DLGAP3: variants seen among roughly 807,000 people sequenced by gnomAD.
DLGAP3 encodes the protein disks large-associated protein 3.
Under a neutral mutation model 81.2 loss-of-function variants are expected in DLGAP3, and 17 were observed. The ratio of observed to expected loss-of-function variants is 0.21; its 90% CI spans 0.14 to 0.31. The LOEUF is 0.31. Ranked by LOEUF, DLGAP3 falls within the 10% of genes least tolerant of loss-of-function variation. DLGAP3 has a pLI of 1.00. For missense variants in DLGAP3, 1,124 were observed against 1,388.0 expected (o/e 0.81, Z 3.02); for synonymous variants, 577 against 587.4 (o/e 0.98, Z 0.26).
chr1:34,885,755 G>A lies in DLGAP3; in HGVS notation c.1637C>T (p.Pro546Leu), dbSNP rs866789064. Residue 546 changes from proline (P) to leucine (L), a missense_variant, in exon 7 of 12, where the codon CCG (proline) becomes CTG (leucine). Pro to Leu is a moderately conservative substitution (Grantham distance 98). This residue lies in a region of DLGAP3 where 379 missense variants were observed against 455.7 expected (regional missense o/e 0.83). Coordinates refer to ENST00000373347, the MANE Select transcript of DLGAP3 (RefSeq NM_001080418.3). ...GATGCGGGGCGGGGCCTGGCTTCCC[G>A]GCGGGATGGGGGGCGGGGCCTTTCT... ...NFRKAPPPIP[P>L]GSQAPPRISI... The A allele has an allele frequency of 1.4e-6, 2 of 1,414,912 alleles. No individual in the cohort carries two copies. Among genetic ancestry groups the A allele is most frequent in the Non-Finnish European group, 1.8e-6 (2 of 1,093,192 alleles). 87.6% of individuals were successfully genotyped at this position (1,414,912 alleles called of 1,614,324 possible).
rs1461768205 is a variant in DLGAP3 at position 34,868,481 on chromosome 1, CA to C, written c.2485+123del. 1.8e-5 allele frequency: 14 copies of C among 791,760 alleles called. No individual in the cohort carries two copies. The highest frequency in any genetic ancestry group is 2.8e-5 in the Non-Finnish European group (13 of 459,790). The allele number at this position is 791,760 out of a possible 1,614,324, so 49.0% of individuals were successfully genotyped here. A position where few individuals can be genotyped will look rare whatever the true frequency, so the allele number is the denominator to read the frequency against. ...CCCGCCACGCTCCAGTGCAGAAGAC[CA>C]GTGAGGCACCAACCGAAGGGGCCTC... On this transcript the variant is annotated intron_variant, in intron 9 of 11. Coordinates refer to ENST00000373347, the MANE Select transcript of DLGAP3 (RefSeq NM_001080418.3). This position sits in a 1 kb window ranked among gnomAD's most constrained non-coding sequence, Gnocchi z 7.5.
At chr1:34,890,099 G>C (rs1234616728) in intron 5 of DLGAP3, among the ~76,000 whole-genome samples, 1 of 152,210 alleles carries the variant, frequency 6.6e-6, no homozygotes, top group African/African-American at 2.4e-5. Context: ...CTGAAGTACA[G>C]GGATGGCGGG....
At chr1:34,918,470 C>A (rs895023122) in intron 1 of DLGAP3, among the ~76,000 whole-genome samples, 1 of 152,194 alleles carries the variant, frequency 6.6e-6, no homozygotes, top group Non-Finnish European at 1.5e-5. Flanking sequence ...AGGGGAGGAC[C>A]CCTCCACACA....
At chr1:34,869,953 C>G (rs1638953981) in intron 8 of DLGAP3, among the ~76,000 whole-genome samples, 1 of 152,160 alleles carries the variant, frequency 6.6e-6, no homozygotes, top group African/African-American at 2.4e-5. Context: ...TCCCACTGCA[C>G]CAGCTGCTAG....
rs965545620 is a variant in DLGAP3 at position 34,899,129 on chromosome 1, G to A, written c.1386+540C>T. Among the ~76,000 whole-genome samples the A allele has an allele frequency of 6.3e-5, 9 of 143,282 alleles. No individual in the cohort carries two copies. The South Asian group carries it at 6.5e-4, about 10-fold the overall frequency. 94.0% of individuals were successfully genotyped at this position (143,282 alleles called of 152,430 possible). On this transcript the variant is annotated intron_variant, in intron 5 of 11. Coordinates refer to ENST00000373347, the MANE Select transcript of DLGAP3 (RefSeq NM_001080418.3). ...TTTTAAGACAGAGCCTCACTGTGTC[G>A]CCCAGGCTGGAATGCAGTGGCACCA...
At position 34,905,145 on chromosome 1, in the gene DLGAP3, G is replaced by A; in HGVS notation, c.239C>T (p.Ala80Val). The A allele has an allele frequency of 6.4e-7, 1 of 1,567,722 alleles. No individual in the cohort carries two copies. Among genetic ancestry groups the A allele is most frequent in the Non-Finnish European group, 8.7e-7 (1 of 1,155,964 alleles). ...SVGPEGGPAG[A>V]GVGGGSSTFP... ...GGTGCTGCTACCCCCCCCAACCCCG[G>A]CCCCCGCTGGCCCTCCCTCAGGGCC... Residue 80 changes from alanine (A) to valine (V), a missense_variant, in exon 3 of 12, where the codon GCC becomes GTC. This residue lies in a region of DLGAP3 where 167 missense variants were observed against 172.1 expected (regional missense o/e 0.97). Transcript: ENST00000373347.
intron 3 of DLGAP3, among the ~76,000 whole-genome samples, chr1:34,901,604 C>T (rs554576985): frequency 1.3e-5 from 2 of 152,172 alleles, no homozygotes; most frequent in South Asian, 4.2e-4. Flanking sequence ...ATAAATGAGC[C>T]AATAGAGAGT....
In DLGAP3 at chr1:34,866,115, T is replaced by C; in HGVS notation, c.2908A>G (p.Ile970Val). ...CTGGTCTGGGCCTCGGGGATGTAGA[T>C]CTCGATGCTGTCGGCGCTCTCGGTG... ...SATESADSIE[I>V]YIPEAQTRL is the part of the protein sequence containing the mutation. Residue 970 changes from isoleucine (I) to valine (V), a missense_variant, in exon 12 of 12, where the codon ATC (isoleucine) becomes GTC (valine). Around this residue, in one of 9 missense-constraint regions of DLGAP3, gnomAD observed 133 missense variants for 171.1 expected, o/e 0.78. Transcript: ENST00000373347. 6.3e-7 allele frequency: 1 copy of C among 1,599,190 alleles called. No individual in the cohort carries two copies. Among genetic ancestry groups the C allele is most frequent in the Non-Finnish European group, 8.5e-7 (1 of 1,179,084 alleles).
In DLGAP3 at chr1:34,904,399, G is replaced by T; in HGVS notation, c.985C>A (p.Arg329=). The change falls in exon 3 of 12, where the codon CGA becomes AGA. Residue 329 remains arginine (R), a synonymous_variant. Transcript: ENST00000373347. This position sits in a 1 kb window ranked among gnomAD's most constrained non-coding sequence, Gnocchi z 8.1. The part of the protein sequence containing the change: ...SMSLDGQSVK[R]SAWHTMMVSQ... ...ACCATCATGGTATGCCAGGCACTTC[G>T]CTTGACCGACTGTCCATCCAGTGAC... 6.2e-7 allele frequency: 1 copy of T among 1,613,878 alleles called. No individual in the cohort carries two copies. Among genetic ancestry groups the T allele is most frequent in the Non-Finnish European group, 8.5e-7 (1 of 1,180,026 alleles).
chr1:34,866,383 G>C (rs1256924661), intron 11 of DLGAP3, 82 bp from the exon 12 acceptor site: 12 of 1,199,304 alleles, frequency 1.0e-5, no homozygotes, highest in African/African-American at 1.5e-5. Flanking sequence ...CCCGCGCCCA[G>C]AGTGCTGACG....
rs1037831807 is a variant in DLGAP3 at position 34,895,384 on chromosome 1, AAATAAT to A, written c.1386+4279_1386+4284del. On this transcript the variant is annotated intron_variant, in intron 5 of 11. Transcript: ENST00000373347. The surrounding 1 kb of genome is among the most constrained non-coding windows in gnomAD (Gnocchi z 4.5). ...CTGTCTCAAAAAAAAAAAAAAATTA[AAATAAT>A]AATAATAATAAGTAAAATAAATGCT... 4.0e-5 allele frequency among the ~76,000 whole-genome samples: 6 copies of A among 151,284 alleles called. No individual in the cohort carries two copies. Among genetic ancestry groups the A allele is most frequent in the Non-Finnish European group, 5.9e-5 (4 of 67,826 alleles).
In DLGAP3 at chr1:34,873,998, C is replaced by T. The variant is rs574260154; in HGVS notation, c.2001-4909G>A. On this transcript the variant is annotated intron_variant, in intron 8 of 11. Transcript: ENST00000373347. The surrounding 1 kb of genome is among the most constrained non-coding windows in gnomAD (Gnocchi z 4.2). ...CAATCTCCCTACCAACTAAATGTAG[C>T]CATGTGCCTAAGTTCTAGCCCATGA... 3.3e-5 allele frequency among the ~76,000 whole-genome samples: 5 copies of T among 152,320 alleles called. No homozygotes were observed. The highest frequency in any genetic ancestry group is 1.2e-4 in the African/African-American group (5 of 41,564).
chr1:34,913,662 A>G (rs1204734146), intron 1 of DLGAP3, among the ~76,000 whole-genome samples: 1 of 152,220 alleles, frequency 6.6e-6, no homozygotes, highest in Non-Finnish European at 1.5e-5. Context: ...TGTGTGCTGC[A>G]GCATTTTGAG....
intron 1 of DLGAP3, among the ~76,000 whole-genome samples, chr1:34,922,181 TATCCCC>T (rs1354896828): frequency 2.0e-5 from 3 of 152,212 alleles, no homozygotes; most frequent in Non-Finnish European, 4.4e-5. Context: ...CTTACTTGGC[TATCCCC>T]AAGGCCTTAT....
intron 8 of DLGAP3, among the ~76,000 whole-genome samples, chr1:34,871,922 G>C (rs1225048716): frequency 6.6e-6 from 1 of 152,148 alleles, no homozygotes; most frequent in Non-Finnish European, 1.5e-5. Context: ...GGAGCTGATG[G>C]GATGACCAGA....
rs749756810 is a variant in DLGAP3, at chr1:34,900,169, C to T, written c.1212G>A (p.Glu404=). The T allele has an allele frequency of 2.5e-6, 4 of 1,614,146 alleles. No individual in the cohort carries two copies. The South Asian group carries it at 4.4e-5, about 18-fold the overall frequency. The part of the protein sequence containing the change: ...SGSYIKAMGD[E]ESGDSDGSPK... Reference sequence around the variant, plus strand: ...GGCTGCCGTCTGAGTCTCCGCTCTCCTCATCCCCCATGGCTTTGATGTAGC... The same window carrying T: ...GGCTGCCGTCTGAGTCTCCGCTCTCTTCATCCCCCATGGCTTTGATGTAGC... The change falls in exon 4 of 12, where the codon GAG becomes GAA. Residue 404 remains glutamate (E), a synonymous_variant. Transcript: ENST00000373347. The surrounding 1 kb of genome is among the most constrained non-coding windows in gnomAD (Gnocchi z 5.6).
rs771631823 is a variant in DLGAP3 at position 34,867,120 on chromosome 1, G to A, written c.2649C>T (p.Ile883=). 8.2e-5 allele frequency: 132 copies of A among 1,614,066 alleles called. No individual in the cohort carries two copies. Among genetic ancestry groups the A allele is most frequent in the Non-Finnish European group, 1.1e-4 (126 of 1,180,028 alleles). The part of the protein sequence containing the change: ...AGFWDLLQLS[I]EDVTLKFLEL... The stretch of plus-strand genomic sequence containing the variant: ...CCAGGAACTTGAGGGTCACATCCTC[G>A]ATGGAGAGCTGTAGGAGGTCCCAGA... The change falls in exon 11 of 12, where the codon ATC becomes ATT. Residue 883 remains isoleucine (I), a synonymous_variant. Transcript: ENST00000373347. The surrounding 1 kb of genome is among the most constrained non-coding windows in gnomAD (Gnocchi z 4.3).
intron 2 of DLGAP3, among the ~76,000 whole-genome samples, chr1:34,905,689 C>T (rs4652868): frequency 0.27 from 40,394 of 151,662 alleles, 5,590 homozygotes; most frequent in Middle Eastern, 0.36. Context: ...GAGGATATTC[C>T]CTCAGTCAAA....
At chr1:34,906,576 T>A (rs143714979) in intron 2 of DLGAP3, among the ~76,000 whole-genome samples, 27 of 152,294 alleles carry the variant, frequency 1.8e-4, no homozygotes, top group Admixed American at 2.6e-4. Context: ...ATATTTTCCC[T>A]ATGAAATTAC....
Sources: gnomAD v4.1 joint callset for allele counts (sites outside exome capture counted in the v4.1 genomes callset) on GRCh38, gnomAD v4.1.1 for gene constraint, gnomAD v4.1.1 regional missense constraint, Gnocchi (gnomAD v3.1) non-coding constraint, MANE v1.5 for transcripts, NCBI Gene and HGNC (gene_info 2026-07-23, HGNC 2026-07-21) for gene names.